Variants in CLTC observed in about 807,000 individuals in gnomAD.
CLTC encodes the protein clathrin heavy chain 1.
A neutral mutation model predicts 195.8 loss-of-function variants in CLTC; 16 were observed. The ratio of observed to expected loss-of-function variants is 0.08; its 90% CI spans 0.06 to 0.12. The LOEUF is 0.12. Ranked by LOEUF, CLTC falls within the 10% of genes least tolerant of loss-of-function variation. The pLI is 1.00. For missense variants in CLTC, 796 were observed against 2,027.0 expected (o/e 0.39, Z 11.66); for synonymous variants, 667 against 689.4 (o/e 0.97, Z 0.51).
Position 59,694,183 on chromosome 17 carries a change from CAAAG to C in CLTC, c.*335_*338del, listed in dbSNP as rs954301851. On this transcript the variant is annotated 3_prime_UTR_variant, in exon 32 of 32. Transcript: ENST00000269122. ...TTGCACTCTGTAGTGTTTAAAGAAACAAAGAAACTCTAATATTGAATCTCTTAAA... is the reference window on the plus strand; with the variant it reads ...TTGCACTCTGTAGTGTTTAAAGAAACAAACTCTAATATTGAATCTCTTAAA... 12 of 229,856 alleles carry C rather than the reference CAAAG, an allele frequency of 5.2e-5. No individual in the cohort carries two copies. The highest frequency in any genetic ancestry group is 6.5e-5 in the East Asian group (1 of 15,374). The allele number at this position is 229,856 out of a possible 1,614,324, so 14.2% of individuals were successfully genotyped here.
Position 59,690,880 on chromosome 17 carries a change from ATAT to A in CLTC, c.4903+174_4903+176del, listed in dbSNP as rs1380405111. ...CTGAGAAGTCATAAAGCAGGTGTTG[ATAT>A]TATTCACTAAAATAATCTTAAATAC... On this transcript the variant is annotated intron_variant, in intron 31 of 31. Coordinates refer to ENST00000269122, the MANE Select transcript of CLTC (RefSeq NM_004859.4). The A allele has an allele frequency of 8.9e-6, 4 of 450,386 alleles. No individual in the cohort carries two copies. In the East Asian group the frequency reaches 1.4e-4, roughly 15 times the overall value. The allele number at this position is 450,386 out of a possible 1,614,324, so 27.9% of individuals were successfully genotyped here.
intron 31 of CLTC, among the ~76,000 whole-genome samples, chr17:59,693,379 TTAA>T (rs1567978606): frequency 1.6e-5 from 2 of 124,178 alleles, no homozygotes; most frequent in South Asian, 2.9e-4. Flanking sequence ...TTTTTTTTTT[TTAA>T]AAAGTCTTTT....
At chr17:59,638,485 G>A (rs1286137565) in intron 1 of CLTC, among the ~76,000 whole-genome samples, 1 of 116,238 alleles carries the variant, frequency 8.6e-6, no homozygotes, top group Admixed American at 9.0e-5. Context: ...GTGTTCTCTA[G>A]ATCAGTGGTC....
At chr17:59,643,325 T>A (rs916240973) in intron 1 of CLTC, among the ~76,000 whole-genome samples, 1 of 152,170 alleles carries the variant, frequency 6.6e-6, no homozygotes, top group Admixed American at 6.5e-5. Flanking sequence ...AATAACCCAC[T>A]ATGGTAGAGA....
chr17:59,658,210 A>G (rs1392101548), intron 6 of CLTC, among the ~76,000 whole-genome samples: 1 of 152,118 alleles, frequency 6.6e-6, no homozygotes, highest in Non-Finnish European at 1.5e-5. Context: ...CTCAAAAAAA[A>G]AAAGAGAGAG....
chr17:59,649,992 G>T (rs2032290654), intron 4 of CLTC, among the ~76,000 whole-genome samples: 1 of 152,148 alleles, frequency 6.6e-6, no homozygotes, highest in East Asian at 1.9e-4. Flanking sequence ...TTTCATACAT[G>T]GTGCTATCCT....
At chr17:59,679,820 G>A (rs2033044822) in intron 18 of CLTC, among the ~76,000 whole-genome samples, 1 of 152,024 alleles carries the variant, frequency 6.6e-6, no homozygotes, top group Non-Finnish European at 1.5e-5. Flanking sequence ...TGTAATTCCA[G>A]CACTTTGGGA....
At chr17:59,667,002 A>T (rs763059833) in intron 13 of CLTC, 25 bp downstream of exon 13, 28 of 1,573,548 alleles carry the variant, frequency 1.8e-5, no homozygotes, top group Non-Finnish European at 2.1e-5. Context: ...TTGAGTTTTT[A>T]AAAAAAGTAC....
intron 9 of CLTC, among the ~76,000 whole-genome samples, 163 bp downstream of exon 9, chr17:59,664,157 G>GTTAAATTGAGAAAA (rs1425659463): frequency 1.3e-5 from 2 of 152,158 alleles, no homozygotes; most frequent in African/African-American, 2.4e-5. Flanking sequence ...ATTCATACTT[G>GTTAAATTGAGAAAA]TTAAATTGAG....
chr17:59,623,643 T>A (rs1249577707), intron 1 of CLTC, among the ~76,000 whole-genome samples: 1 of 152,240 alleles, frequency 6.6e-6, no homozygotes, highest in African/African-American at 2.4e-5. Flanking sequence ...ATCCTCAGCT[T>A]CTTTGCAAAA....
intron 1 of CLTC, among the ~76,000 whole-genome samples, chr17:59,626,244 A>C (rs926456180): frequency 6.6e-6 from 1 of 152,202 alleles, no homozygotes; most frequent in African/African-American, 2.4e-5. Context: ...GATGTTGTCT[A>C]CTTGATTGTG....
chr17:59,637,387 GGTGCCCGTCACCACAC>G (rs1315988814), intron 1 of CLTC, among the ~76,000 whole-genome samples: 1 of 151,110 alleles, frequency 6.6e-6, no homozygotes, highest in Non-Finnish European at 1.5e-5. Flanking sequence ...TGGGACTACA[GGTGCCCGTCACCACAC>G]CTGGCTAATT....
intron 6 of CLTC, among the ~76,000 whole-genome samples, chr17:59,659,741 C>T (rs929174668): frequency 3.9e-5 from 6 of 152,074 alleles, no homozygotes; most frequent in Non-Finnish European, 1.5e-5. Context: ...AGCCACTGCA[C>T]CCGGCCTATT....
In CLTC at chr17:59,685,624, A is replaced by T. The variant is rs1039443696; in HGVS notation, c.4643A>T (p.Glu1548Val). The T allele has an allele frequency of 3.7e-6, 6 of 1,614,134 alleles. No homozygotes were observed. ...TATGCTTCTGAATCTAAAGATACTG[A>T]ATTGGCTGAAGAACTCCTGCAGTGG... ...MQYASESKDT[E>V]LAEELLQWFL... is the part of the protein sequence containing the mutation. Residue 1548 changes from glutamate (E) to valine (V), a missense_variant, in exon 30 of 32, where the codon GAA (glutamate) becomes GTA (valine). By Grantham distance (121) the Glu-to-Val change is moderately radical. Coordinates refer to ENST00000269122, the MANE Select transcript of CLTC (RefSeq NM_004859.4). This position sits in a 1 kb window ranked among gnomAD's most constrained non-coding sequence, Gnocchi z 5.0.
At chr17:59,676,773 T>C (rs770761511) in intron 16 of CLTC, among the ~76,000 whole-genome samples, 181 bp from the exon 17 acceptor site, 36 of 152,076 alleles carry the variant, frequency 2.4e-4, no homozygotes, top group Non-Finnish European at 3.7e-4. Context: ...TAGTGCACAA[T>C]GATTGTGGCT....
At position 59,620,027 on chromosome 17, in the gene CLTC, G is replaced by T; in HGVS notation, c.-105G>T. 1 of 1,017,478 alleles carries T rather than the reference G, an allele frequency of 9.8e-7. No individual in the cohort carries two copies. Among genetic ancestry groups the T allele is most frequent in the Non-Finnish European group, 1.5e-6 (1 of 664,332 alleles). The allele number at this position is 1,017,478 out of a possible 1,614,324, so 63.0% of individuals were successfully genotyped here. A position where few individuals can be genotyped will look rare whatever the true frequency, so the allele number is the denominator to read the frequency against. ...GCGTCCCCGGAGAGGATCCTGCTGA[G>T]CCCAGCCTCCCCCCTCCCCTTCTCC... On this transcript the variant is annotated 5_prime_UTR_variant, in exon 1 of 32. Transcript: ENST00000269122.
rs747796334 is a variant in CLTC, at chr17:59,685,736, T to C, written c.4755T>C (p.Thr1585=). ...TAAGGCCAGATGTCGTCCTAGAAAC[T>C]GCATGGAGGCACAATATCATGGATT... is the stretch of plus-strand genomic sequence containing the variant. ...DLLRPDVVLE[T]AWRHNIMDFA... The change falls in exon 30 of 32, where the codon ACT becomes ACC. Residue 1585 remains threonine, a synonymous_variant. Transcript: ENST00000269122. The surrounding 1 kb of genome is among the most constrained non-coding windows in gnomAD (Gnocchi z 5.0). 1 of 1,614,138 alleles carries C rather than the reference T, an allele frequency of 6.2e-7. No homozygotes were observed.
intron 31 of CLTC, among the ~76,000 whole-genome samples, chr17:59,692,712 C>T (rs1320120352): frequency 3.3e-5 from 5 of 152,126 alleles, no homozygotes; most frequent in African/African-American, 1.2e-4. Flanking sequence ...TCTCGGCTCA[C>T]TGCAACCTTT....
intron 4 of CLTC, among the ~76,000 whole-genome samples, chr17:59,649,424 A>C (rs950132708): frequency 6.6e-6 from 1 of 152,220 alleles, no homozygotes; most frequent in African/African-American, 2.4e-5. Flanking sequence ...GTTTTAGGCA[A>C]GATCAGATGC....
Sources: gnomAD v4.1 joint callset for allele counts (sites outside exome capture counted in the v4.1 genomes callset) on GRCh38, gnomAD v4.1.1 for gene constraint, Gnocchi (gnomAD v3.1) non-coding constraint, MANE v1.5 for transcripts, NCBI Gene and HGNC (gene_info 2026-07-23, HGNC 2026-07-21) for gene names.